Variants in CRACD observed in about 807,000 individuals in gnomAD.
CRACD encodes the protein capping protein-inhibiting regulator of actin dynamics.
CRACD carries 56 observed loss-of-function variants against 106.8 expected under a neutral mutation model. The ratio of observed to expected loss-of-function variants is 0.52; its 90% CI spans 0.42 to 0.66. CRACD has a LOEUF of 0.66. Among genes scored for constraint, CRACD ranks in the 30% least tolerant of loss-of-function variants. CRACD has a pLI of 0.00. For synonymous variants in CRACD, 754 were observed against 670.8 expected (o/e 1.12, Z -1.92); for missense variants, 1,730 against 1,623.2 (o/e 1.07, Z -1.13).
chr4:56,155,521 A>G (rs1364376041), intron 1 of CRACD, among the ~76,000 whole-genome samples: 1 of 152,192 alleles, frequency 6.6e-6, no homozygotes, highest in Non-Finnish European at 1.5e-5. Context: ...AAATGCAACT[A>G]TTTGCCAGGT....
chr4:56,249,775 C>T (rs950262522), intron 2 of CRACD, among the ~76,000 whole-genome samples: 2 of 152,154 alleles, frequency 1.3e-5, no homozygotes, highest in African/African-American at 4.8e-5. Context: ...AGTTTGGTTT[C>T]TGGCCATCTT....
chr4:56,304,995 G>T (rs1744599093), intron 4 of CRACD, among the ~76,000 whole-genome samples: 1 of 152,044 alleles, frequency 6.6e-6, no homozygotes, highest in Admixed American at 6.5e-5. Flanking sequence ...TAATGCAGGA[G>T]GATCAGTGGA....
chr4:56,150,022 C>G (rs1431586972), intron 1 of CRACD, among the ~76,000 whole-genome samples: 1 of 152,142 alleles, frequency 6.6e-6, no homozygotes, highest in Non-Finnish European at 1.5e-5. Flanking sequence ...TATCAAGCCT[C>G]ACTTATAAAG....
chr4:56,252,322 G>A (rs932799875), intron 2 of CRACD, among the ~76,000 whole-genome samples: 1 of 152,070 alleles, frequency 6.6e-6, no homozygotes, highest in African/African-American at 2.4e-5. Flanking sequence ...GAACGCCTAG[G>A]TACACATAAC....
intron 1 of CRACD, among the ~76,000 whole-genome samples, chr4:56,079,241 A>G (rs539800668): frequency 6.6e-6 from 1 of 152,122 alleles, no homozygotes; most frequent in East Asian, 1.9e-4. Context: ...TTCACTGTGT[A>G]TACCAAAGGT....
At chr4:56,215,589 G>A (rs59213959) in intron 2 of CRACD, among the ~76,000 whole-genome samples, 33,444 of 152,100 alleles carry the variant, frequency 0.22, 4,566 homozygotes, top group Non-Finnish European at 0.3. Context: ...CTTGAGAAAC[G>A]AGTCTAAGTC....
chr4:56,157,876 C>T lies in CRACD; in HGVS notation c.-335-21408C>T, dbSNP rs1735816487. Among the ~76,000 whole-genome samples, 4 of 152,210 alleles carry T rather than the reference C, an allele frequency of 2.6e-5. No individual in the cohort carries two copies. The South Asian group carries it at 8.3e-4, about 32-fold the overall frequency. On this transcript the variant is annotated intron_variant, in intron 1 of 10. Coordinates refer to ENST00000682029, the MANE Select transcript of CRACD (RefSeq NM_001393381.1). ...GGGTCTCTCTTTTCATTTTGAGTGC[C>T]TGGGGCCCCAGAGTCAAACTTGAAG...
At chr4:56,290,228 T>C (rs1743628638) in intron 3 of CRACD, among the ~76,000 whole-genome samples, 1 of 152,210 alleles carries the variant, frequency 6.6e-6, no homozygotes, top group South Asian at 2.1e-4. Flanking sequence ...TACATTGTCT[T>C]TGAAGGATTT....
At chr4:56,089,509 ATTTT>A (rs761380094) in intron 1 of CRACD, among the ~76,000 whole-genome samples, 1 of 124,306 alleles carries the variant, frequency 8.0e-6, no homozygotes. Context: ...GTATTATAGG[ATTTT>A]TTTTTTTTTT....
chr4:56,273,905 T>A (rs139157182), intron 3 of CRACD, among the ~76,000 whole-genome samples: 13 of 152,314 alleles, frequency 8.5e-5, no homozygotes, highest in Non-Finnish European at 1.9e-4. Flanking sequence ...GACAAAAATA[T>A]CCTCTGTGGT....
chr4:56,201,923 T>C (rs1737899364), intron 2 of CRACD, among the ~76,000 whole-genome samples: 1 of 152,216 alleles, frequency 6.6e-6, no homozygotes, highest in Admixed American at 6.5e-5. Flanking sequence ...AAGTTGTTTA[T>C]TGAAGCCATA....
chr4:56,176,251 A>G (rs925884607), intron 1 of CRACD, among the ~76,000 whole-genome samples: 1 of 152,008 alleles, frequency 6.6e-6, no homozygotes, highest in African/African-American at 2.4e-5. Flanking sequence ...AGTTTTCTTT[A>G]GCTATTCAGG....
chr4:56,215,773 G>A (rs886849013), intron 2 of CRACD, among the ~76,000 whole-genome samples: 2 of 152,168 alleles, frequency 1.3e-5, no homozygotes, highest in African/African-American at 2.4e-5. Context: ...TTCTTCCGGT[G>A]GTTCTAAATG....
At chr4:56,283,728 C>T (rs1743166548) in intron 3 of CRACD, among the ~76,000 whole-genome samples, 1 of 152,170 alleles carries the variant, frequency 6.6e-6, no homozygotes, top group Non-Finnish European at 1.5e-5. Flanking sequence ...TTTTTCCAAG[C>T]CTGCAGTCTG....
At chr4:56,139,785 AT>A (rs1290945250) in intron 1 of CRACD, among the ~76,000 whole-genome samples, 1 of 152,070 alleles carries the variant, frequency 6.6e-6, no homozygotes, top group Non-Finnish European at 1.5e-5. Flanking sequence ...CCTTTTTTGC[AT>A]TTTTTTCTTT....
intron 3 of CRACD, among the ~76,000 whole-genome samples, chr4:56,289,391 G>T (rs1743572430): frequency 6.6e-6 from 1 of 152,156 alleles, no homozygotes; most frequent in Non-Finnish European, 1.5e-5. Context: ...TTAAAACTGG[G>T]CTGGGCATGG....
At chr4:56,299,842 C>T (rs1419930201) in intron 4 of CRACD, among the ~76,000 whole-genome samples, 1 of 116,018 alleles carries the variant, frequency 8.6e-6, no homozygotes, top group East Asian at 5.0e-4. Flanking sequence ...AATCAATAAA[C>T]GAGCAAAAAA....
chr4:56,236,436 C>A (rs1472721600), intron 2 of CRACD, among the ~76,000 whole-genome samples: 2 of 152,150 alleles, frequency 1.3e-5, no homozygotes, highest in Non-Finnish European at 2.9e-5. Context: ...GCAGCCTGAG[C>A]AAACACAGTG....
intron 1 of CRACD, among the ~76,000 whole-genome samples, chr4:56,109,466 A>G (rs570465959): frequency 2.3e-4 from 35 of 152,320 alleles, no homozygotes; most frequent in African/African-American, 8.2e-4. Context: ...AGCTAAAAGC[A>G]ATGTGGGATA....
Sources: gnomAD v4.1 joint callset for allele counts (sites outside exome capture counted in the v4.1 genomes callset) on GRCh38, gnomAD v4.1.1 for gene constraint, MANE v1.5 for transcripts, NCBI Gene and HGNC (gene_info 2026-07-23, HGNC 2026-07-21) for gene names.